FAM193A: variants seen among roughly 807,000 people sequenced by gnomAD.
FAM193A encodes the protein protein FAM193A.
FAM193A carries 22 observed loss-of-function variants against 126.5 expected under a neutral mutation model. The ratio of observed to expected loss-of-function variants is 0.17; its 90% CI spans 0.12 to 0.25. FAM193A has a LOEUF of 0.25. Among genes scored for constraint, FAM193A ranks in the 10% least tolerant of loss-of-function variants. The probability of loss-of-function intolerance (pLI) is 1.00; values close to 1 mark genes in which losing one functional copy is unlikely to be tolerated. For synonymous variants in FAM193A, 761 were observed against 646.8 expected (o/e 1.18, Z -2.68); for missense variants, 1,675 against 1,672.8 (o/e 1.00, Z -0.02).
At chr4:2,623,712 G>A (rs971371304) in intron 2 of FAM193A, among the ~76,000 whole-genome samples, 1 of 152,230 alleles carries the variant, frequency 6.6e-6, no homozygotes, top group Non-Finnish European at 1.5e-5. Flanking sequence ...GCCACCACCC[G>A]TCTCTCTGGG....
intron 20 of FAM193A, among the ~76,000 whole-genome samples, chr4:2,729,032 T>G (rs1378645823): frequency 2.0e-5 from 3 of 150,556 alleles, no homozygotes; most frequent in Non-Finnish European, 1.5e-5. Context: ...GGGGAGGGCC[T>G]CCTCCATCCA....
At chr4:2,604,073 C>A (rs1741381717) in intron 2 of FAM193A, among the ~76,000 whole-genome samples, 1 of 151,988 alleles carries the variant, frequency 6.6e-6, no homozygotes. Flanking sequence ...AAACTCCTGA[C>A]CTCAGGTGAT....
At chr4:2,728,303 C>CT (rs1278256298) in intron 20 of FAM193A, among the ~76,000 whole-genome samples, 4 of 138,218 alleles carry the variant, frequency 2.9e-5, no homozygotes, top group African/African-American at 8.2e-5. Context: ...AGGCTGGCCT[C>CT]TGAGTATCTT....
intron 2 of FAM193A, among the ~76,000 whole-genome samples, chr4:2,617,184 A>AC: frequency 9.5e-6 from 1 of 105,242 alleles, no homozygotes; most frequent in Non-Finnish European, 1.9e-5. Flanking sequence ...AAAAAAAATT[A>AC]AAAAAAAAAA....
intron 1 of FAM193A, among the ~76,000 whole-genome samples, chr4:2,564,540 C>T (rs1403959189): frequency 6.6e-6 from 1 of 152,104 alleles, no homozygotes; most frequent in South Asian, 2.1e-4. Context: ...AAAATAGCCA[C>T]CTACTATTTG....
intron 1 of FAM193A, among the ~76,000 whole-genome samples, chr4:2,576,569 C>T (rs1471735948): frequency 6.6e-6 from 1 of 152,202 alleles, no homozygotes; most frequent in South Asian, 2.1e-4. Context: ...GTGATACTTG[C>T]TCTTGCTCTG....
At chr4:2,561,150 A>G (rs1411912345) in intron 1 of FAM193A, among the ~76,000 whole-genome samples, 1 of 152,172 alleles carries the variant, frequency 6.6e-6, no homozygotes, top group Non-Finnish European at 1.5e-5. Flanking sequence ...TCAAGTTCAC[A>G]CTTAATATGT....
At chr4:2,558,846 C>G (rs577552040) in intron 1 of FAM193A, among the ~76,000 whole-genome samples, 1 of 152,136 alleles carries the variant, frequency 6.6e-6, no homozygotes, top group South Asian at 2.1e-4. Context: ...ACTAAAAATA[C>G]AAAAGTTAGC....
chr4:2,656,475 C>T (rs1055938621), intron 7 of FAM193A, among the ~76,000 whole-genome samples: 3 of 152,180 alleles, frequency 2.0e-5, no homozygotes, highest in Non-Finnish European at 2.9e-5. Flanking sequence ...GGGAAAGTCA[C>T]GGAAATGGAT....
chr4:2,702,998 CCT>C (rs1717910762), intron 19 of FAM193A, among the ~76,000 whole-genome samples: 1 of 152,078 alleles, frequency 6.6e-6, no homozygotes, highest in African/African-American at 2.4e-5. Flanking sequence ...CCACCCACTC[CCT>C]GTAGGTAACT....
intron 5 of FAM193A, among the ~76,000 whole-genome samples, chr4:2,635,790 G>T (rs751485974): frequency 6.6e-6 from 1 of 152,088 alleles, no homozygotes; most frequent in Admixed American, 6.6e-5. Flanking sequence ...TGCCCGCCTC[G>T]GCCTCCCAAA....
intron 3 of FAM193A, among the ~76,000 whole-genome samples, chr4:2,625,962 G>A (rs532977536): frequency 2.6e-5 from 4 of 152,178 alleles, no homozygotes; most frequent in African/African-American, 4.8e-5. Flanking sequence ...GGACTCAAAC[G>A]ATTAGCCCGT....
intron 12 of FAM193A, among the ~76,000 whole-genome samples, chr4:2,666,251 T>C (rs1279819432): frequency 6.6e-6 from 1 of 152,238 alleles, no homozygotes; most frequent in African/African-American, 2.4e-5. Flanking sequence ...CAAATGTCTT[T>C]TCTGCATGTG....
Position 2,700,393 on chromosome 4 carries a change from G to A in FAM193A, c.4221G>A (p.Lys1407=). ...ACAAAAAGCAGCTGAACCACATCAA[G>A]GACGAAAAGTCAAACCCAACCCCTA... ...NNNKKQLNHI[K]DEKSNPTPME... is the part of the protein sequence containing the mutation. Residue 1407 remains lysine, a synonymous_variant, in exon 19 of 21, where the codon AAG becomes AAA. Coordinates refer to ENST00000637812, the MANE Select transcript of FAM193A (RefSeq NM_001366318.2). 6.2e-7 allele frequency: 1 copy of A among 1,614,098 alleles called. No homozygotes were observed. The highest frequency in any genetic ancestry group is 8.5e-7 in the Non-Finnish European group (1 of 1,180,042).
intron 13 of FAM193A, among the ~76,000 whole-genome samples, chr4:2,686,728 TGA>T (rs1263868047): frequency 6.6e-6 from 1 of 152,160 alleles, no homozygotes; most frequent in East Asian, 1.9e-4. Context: ...TTCAGAGCCC[TGA>T]GAGTGCTTCT....
chr4:2,705,640 A>G (rs1466031316), intron 19 of FAM193A, among the ~76,000 whole-genome samples: 1 of 151,636 alleles, frequency 6.6e-6, no homozygotes, highest in Non-Finnish European at 1.5e-5. Flanking sequence ...CCCAGGCTAG[A>G]GTGTGGTGGT....
intron 6 of FAM193A, among the ~76,000 whole-genome samples, chr4:2,644,891 G>A (rs1284424462): frequency 1.1e-4 from 16 of 152,128 alleles, no homozygotes; most frequent in Admixed American, 1.0e-3. Flanking sequence ...CGTAAACAAA[G>A]TTAGGTTTTA....
chr4:2,595,217 A>T (rs568849397), intron 1 of FAM193A, among the ~76,000 whole-genome samples: 1 of 151,972 alleles, frequency 6.6e-6, no homozygotes, highest in South Asian at 2.1e-4. Flanking sequence ...CCTGGCTAAT[A>T]GTTGGATTTT....
chr4:2,697,093 C>T (rs1717127227), intron 18 of FAM193A, among the ~76,000 whole-genome samples: 1 of 152,144 alleles, frequency 6.6e-6, no homozygotes, highest in Non-Finnish European at 1.5e-5. Flanking sequence ...AAGACCAGCA[C>T]ATGGCATTGA....
Sources: gnomAD v4.1 joint callset for allele counts (sites outside exome capture counted in the v4.1 genomes callset) on GRCh38, gnomAD v4.1.1 for gene constraint, MANE v1.5 for transcripts, NCBI Gene and HGNC (gene_info 2026-07-23, HGNC 2026-07-21) for gene names.